Variants in ENPP1 observed in about 807,000 individuals in gnomAD.
ENPP1 encodes the protein ectonucleotide pyrophosphatase/phosphodiesterase family member 1.
Under a neutral mutation model 122.8 loss-of-function variants are expected in ENPP1, and 73 were observed. The observed-to-expected ratio is 0.59, with a 90% CI of 0.49 to 0.72. The LOEUF is 0.72. Ranked by LOEUF, ENPP1 falls within the 30% of genes least tolerant of loss-of-function variation. The probability of loss-of-function intolerance (pLI) is 0.00; values close to 1 mark genes in which losing one functional copy is unlikely to be tolerated. For synonymous variants in ENPP1, 367 were observed against 391.6 expected (o/e 0.94, Z 0.74); for missense variants, 978 against 1,128.1 (o/e 0.87, Z 1.91).
At chr6:131,851,864 G>A (rs1331939328) in intron 4 of ENPP1, among the ~76,000 whole-genome samples, 1 of 152,112 alleles carries the variant, frequency 6.6e-6, no homozygotes, top group African/African-American at 2.4e-5. Context: ...TAGAAGGGGA[G>A]GGTTGTAAAT....
intron 1 of ENPP1, chr6:131,826,617 C>G: frequency 2.1e-6 from 2 of 932,992 alleles, no homozygotes; most frequent in Non-Finnish European, 3.4e-6. Context: ...CACAGCTGAT[C>G]AGTTCTAGGC....
At chr6:131,871,898 A>G (rs1335871171) in intron 13 of ENPP1, among the ~76,000 whole-genome samples, 172 bp from the exon 14 acceptor site, 5 of 152,210 alleles carry the variant, frequency 3.3e-5, no homozygotes, top group Admixed American at 2.6e-4. Flanking sequence ...GGTGATCCCT[A>G]AAGGTCTGTC....
At chr6:131,859,821 T>C (rs1292450412) in intron 7 of ENPP1, among the ~76,000 whole-genome samples, 4 of 152,170 alleles carry the variant, frequency 2.6e-5, no homozygotes, top group Non-Finnish European at 4.4e-5. Context: ...CTACATTCTT[T>C]TAACAATAGG....
At chr6:131,846,386 C>T (rs1329393777) in intron 1 of ENPP1, among the ~76,000 whole-genome samples, 3 of 152,174 alleles carry the variant, frequency 2.0e-5, no homozygotes, top group Non-Finnish European at 2.9e-5. Context: ...TGCCTGCCTT[C>T]GTGGAACCCT....
intron 13 of ENPP1, among the ~76,000 whole-genome samples, chr6:131,871,280 G>A (rs1367940224): frequency 6.6e-6 from 1 of 152,106 alleles, no homozygotes; most frequent in Non-Finnish European, 1.5e-5. Flanking sequence ...TTTATGTAAT[G>A]TTTGGCTAAA....
At chr6:131,818,848 C>A (rs915316847) in intron 1 of ENPP1, among the ~76,000 whole-genome samples, 1 of 152,064 alleles carries the variant, frequency 6.6e-6, no homozygotes, top group Non-Finnish European at 1.5e-5. Context: ...CAAAGAACAC[C>A]ATTTTTATTT....
intron 1 of ENPP1, among the ~76,000 whole-genome samples, chr6:131,845,610 A>G (rs1781799978): frequency 6.6e-6 from 1 of 151,078 alleles, no homozygotes; most frequent in Non-Finnish European, 1.5e-5. Context: ...GGCGTGCATC[A>G]CCATGCTGGG....
At chr6:131,832,164 C>A (rs1781622178) in intron 1 of ENPP1, among the ~76,000 whole-genome samples, 1 of 151,294 alleles carries the variant, frequency 6.6e-6, no homozygotes, top group African/African-American at 2.4e-5. Context: ...CTTTTAGGTT[C>A]TCTTGACTTG....
intron 1 of ENPP1, among the ~76,000 whole-genome samples, chr6:131,816,019 C>A (rs1781410236): frequency 6.7e-6 from 1 of 148,930 alleles, no homozygotes. Flanking sequence ...CCACGCCCGG[C>A]TGTATCAGCT....
chr6:131,821,794 C>G (rs1463634114), intron 1 of ENPP1, among the ~76,000 whole-genome samples: 1 of 152,224 alleles, frequency 6.6e-6, no homozygotes, highest in Non-Finnish European at 1.5e-5. Context: ...CAAGTTTCCA[C>G]TGCAGTCCCC....
At chr6:131,867,428 G>T (rs1782104795) in intron 11 of ENPP1, among the ~76,000 whole-genome samples, 1 of 152,154 alleles carries the variant, frequency 6.6e-6, no homozygotes, top group Admixed American at 6.6e-5. Context: ...TAAAATACAT[G>T]CAGTTTGTAA....
Position 131,813,403 on chromosome 6 carries a change from G to T in ENPP1, c.240+5128G>T, listed in dbSNP as rs186565771. ...AAATTAGCAGGGCATGGTAGTACATGCCTGTAGTGCCAACCACTTGGGAGG... is the reference window on the plus strand; with the variant it reads ...AAATTAGCAGGGCATGGTAGTACATTCCTGTAGTGCCAACCACTTGGGAGG... On this transcript the variant is annotated intron_variant, in intron 1 of 24. Transcript: ENST00000647893. Among the ~76,000 whole-genome samples the T allele has an allele frequency of 1.2e-3, 187 of 152,084 alleles. 5 individuals carry two copies. The highest frequency in any genetic ancestry group is 0.01 in the Middle Eastern group (3 of 294).
At chr6:131,815,967 C>T (rs972192417) in intron 1 of ENPP1, among the ~76,000 whole-genome samples, 8 of 151,226 alleles carry the variant, frequency 5.3e-5, no homozygotes, top group South Asian at 2.1e-4. Context: ...GTGATCTGCC[C>T]GCCTCGGCCT....
At position 131,878,587 on chromosome 6, in the gene ENPP1, G is replaced by C. The variant is rs892841453; in HGVS notation, c.1939G>C (p.Ala647Pro). The stretch of plus-strand genomic sequence containing the variant: ...TCAAACACAGTTCAATCTGACTGTG[G>C]CAGAAGGTAAGGCATGCTACACACT... Reference protein sequence around the residue: ...DFQTQFNLTVAEEKIIKHETL... With the variant: ...DFQTQFNLTVPEEKIIKHETL... The change falls in exon 19 of 25, where the codon GCA (alanine) becomes CCA (proline). Residue 647 changes from alanine to proline, a missense_variant. Ala to Pro is a conservative substitution (Grantham distance 27, BLOSUM62 -1). Transcript: ENST00000647893. The C allele has an allele frequency of 6.2e-7, 1 of 1,611,974 alleles. No homozygotes were observed.
At chr6:131,861,199 G>A (rs368930081) in intron 8 of ENPP1, among the ~76,000 whole-genome samples, 1 of 152,098 alleles carries the variant, frequency 6.6e-6, no homozygotes, top group African/African-American at 2.4e-5. Flanking sequence ...TAGGATTATT[G>A]TGAGGATTAT....
intron 6 of ENPP1, among the ~76,000 whole-genome samples, chr6:131,857,207 G>C (rs2114698590): frequency 6.6e-6 from 1 of 150,480 alleles, no homozygotes; most frequent in Middle Eastern, 3.4e-3. Flanking sequence ...TGGTGGGACT[G>C]TAAACTAGTT....
chr6:131,853,405 T>C (rs1781905343), intron 5 of ENPP1, among the ~76,000 whole-genome samples: 1 of 152,216 alleles, frequency 6.6e-6, no homozygotes, highest in Non-Finnish European at 1.5e-5. Context: ...TTGAATCTTT[T>C]AGTGGAAAAC....
intron 24 of ENPP1, 67 bp downstream of exon 24, chr6:131,886,791 A>G: frequency 7.3e-6 from 10 of 1,365,922 alleles, no homozygotes; most frequent in Non-Finnish European, 1.0e-5. Context: ...TGTTTATGTC[A>G]CCCATCTGAC....
intron 1 of ENPP1, among the ~76,000 whole-genome samples, chr6:131,810,817 T>C (rs1211301123): frequency 6.6e-6 from 1 of 152,180 alleles, no homozygotes; most frequent in African/African-American, 2.4e-5. Flanking sequence ...TAAAATGATG[T>C]AGATGTGTGA....
Sources: gnomAD v4.1 joint callset for allele counts (sites outside exome capture counted in the v4.1 genomes callset) on GRCh38, gnomAD v4.1.1 for gene constraint, MANE v1.5 for transcripts, NCBI Gene and HGNC (gene_info 2026-07-23, HGNC 2026-07-21) for gene names.